Variants in IL1RAPL2 observed in about 807,000 individuals in gnomAD.
IL1RAPL2 encodes X-linked interleukin-1 receptor accessory protein-like 2.
In IL1RAPL2, 3 loss-of-function variants were observed where a neutral mutation model predicts 44.1. The observed-to-expected ratio is 0.07, with a 90% confidence interval of 0.03 to 0.18. The LOEUF is 0.18. Among genes scored for constraint, IL1RAPL2 ranks in the 10% least tolerant of loss-of-function variants. IL1RAPL2 has a pLI of 1.00. For synonymous variants in IL1RAPL2, 181 were observed against 178.8 expected, an observed-to-expected ratio of 1.01 and a Z score of -0.10; for missense variants, 391 against 496.4, an observed-to-expected ratio of 0.79 and a Z score of 2.02.
chrX:105,437,050 C>T (rs986652382), intron 5 of IL1RAPL2, among the ~76,000 whole-genome samples: 2 of 90,708 alleles, frequency 2.2e-5, no homozygotes, highest in Non-Finnish European at 4.3e-5. Context: ...TATATATATA[C>T]CATATTTATT....
At chrX:104,670,950 A>G (rs1014796800) in intron 2 of IL1RAPL2, among the ~76,000 whole-genome samples, 1 of 111,474 alleles carries the variant, frequency 9.0e-6, no homozygotes, top group Non-Finnish European at 1.9e-5. Context: ...ACCTCTACTT[A>G]TGAAATAAAA....
At chrX:105,370,998 T>C (rs2035335082) in intron 5 of IL1RAPL2, among the ~76,000 whole-genome samples, 1 of 112,543 alleles carries the variant, frequency 8.9e-6, no homozygotes, top group Non-Finnish European at 1.9e-5. Context: ...ACTAGTGATA[T>C]TGATCATCTT....
Position 105,119,590 on chromosome X carries a change from G to A in IL1RAPL2, c.83-75885G>A, listed in dbSNP as rs778746162. On this transcript the variant is annotated intron_variant, in intron 2 of 10. Coordinates refer to ENST00000372582, the MANE Select transcript of IL1RAPL2 (RefSeq NM_017416.2). ...TAAATGTTTTTGACCTAATGCTTTC[G>A]GTGCCCAATAACTTCTGACCTATTT... Among the ~76,000 whole-genome samples, 60 of 101,332 alleles carry A rather than the reference G, an allele frequency of 5.9e-4. 1 individual carries two copies. The highest frequency in any genetic ancestry group is 1.2e-3 in the Non-Finnish European group (59 of 50,229). The allele number at this position is 101,332 out of a possible 115,157, so 88.0% of individuals were successfully genotyped here. A position where few individuals can be genotyped will look rare whatever the true frequency, so the allele number is the denominator to read the frequency against.
At chrX:104,588,262 A>G (rs938825005) in intron 1 of IL1RAPL2, among the ~76,000 whole-genome samples, 3 of 109,917 alleles carry the variant, frequency 2.7e-5, no homozygotes, top group Non-Finnish European at 3.8e-5. Context: ...TATCATCTCT[A>G]CTTCTTGAGC....
chrX:105,586,788 C>A (rs374004271), intron 6 of IL1RAPL2, among the ~76,000 whole-genome samples: 10 of 112,614 alleles, frequency 8.9e-5, no homozygotes, highest in African/African-American at 2.9e-4. Flanking sequence ...TTGAGAGGAA[C>A]CGCCTACAAA....
In IL1RAPL2 at chrX:105,767,047, G is replaced by C; in HGVS notation, c.1447G>C (p.Gly483Arg). Residue 483 changes from glycine to arginine, a missense_variant, in exon 11 of 11, where the codon GGA (glycine) becomes CGA (arginine). Gly to Arg is a moderately radical substitution (Grantham distance 125, BLOSUM62 -2). This residue lies in a region of IL1RAPL2 where 232 missense variants were observed against 244.8 expected (regional missense o/e 0.95). Transcript: ENST00000372582. ...AACTCCAGACTATATTCTCAGACGG[G>C]GATGGAGTATTTTCGAACTGGAAAG... Reference protein sequence around the residue: ...VLTPDYILRRGWSIFELESRL... With the variant: ...VLTPDYILRRRWSIFELESRL... 2 of 1,206,459 alleles carry C rather than the reference G, an allele frequency of 1.7e-6. No individual in the cohort carries two copies. The highest frequency in any genetic ancestry group is 2.2e-6 in the Non-Finnish European group (2 of 890,851).
intron 2 of IL1RAPL2, among the ~76,000 whole-genome samples, chrX:104,907,759 C>T (rs1924066755): frequency 9.1e-6 from 1 of 110,238 alleles, no homozygotes; most frequent in Non-Finnish European, 1.9e-5. Context: ...TGGTGTGGTG[C>T]TGAAAAAAAT....
At chrX:105,176,994 T>C (rs974211873) in intron 2 of IL1RAPL2, among the ~76,000 whole-genome samples, 2 of 111,489 alleles carry the variant, frequency 1.8e-5, no homozygotes, top group African/African-American at 6.5e-5. Flanking sequence ...CAGTGAGTCA[T>C]GTAGCTATCT....
At chrX:104,990,862 A>G (rs1338229338) in intron 2 of IL1RAPL2, among the ~76,000 whole-genome samples, 2 of 111,569 alleles carry the variant, frequency 1.8e-5, no homozygotes, top group Non-Finnish European at 3.8e-5. Flanking sequence ...ACTTTTTTAT[A>G]GAAATTGTGA....
intron 5 of IL1RAPL2, among the ~76,000 whole-genome samples, chrX:105,447,362 T>A (rs1240130205): frequency 1.1e-4 from 7 of 62,391 alleles, no homozygotes; most frequent in Non-Finnish European, 1.9e-4. Context: ...TATAAATATA[T>A]AAATATAAAT....
chrX:104,931,006 C>G (rs1199503778), intron 2 of IL1RAPL2, among the ~76,000 whole-genome samples: 7 of 111,112 alleles, frequency 6.3e-5, no homozygotes, highest in Non-Finnish European at 1.3e-4. Context: ...AAAGTTGATC[C>G]ATGGGTTCCT....
intron 6 of IL1RAPL2, among the ~76,000 whole-genome samples, chrX:105,569,808 T>C (rs756565704): frequency 8.9e-6 from 1 of 111,779 alleles, no homozygotes; most frequent in African/African-American, 3.2e-5. Flanking sequence ...ATCATTTAAG[T>C]ATGTCTTCCT....
intron 5 of IL1RAPL2, among the ~76,000 whole-genome samples, chrX:105,351,817 C>A (rs754866922): frequency 1.4e-4 from 16 of 111,755 alleles, no homozygotes; most frequent in Non-Finnish European, 2.8e-4. Context: ...TTTGAAATAT[C>A]TTTTATTTTA....
chrX:104,913,611 G>A (rs1243380750), intron 2 of IL1RAPL2, among the ~76,000 whole-genome samples: 1 of 111,731 alleles, frequency 9.0e-6, no homozygotes, highest in Non-Finnish European at 1.9e-5. Flanking sequence ...AGCCCTTTCA[G>A]GCCTAATCCT....
chrX:104,885,190 A>T (rs1265427615), intron 2 of IL1RAPL2, among the ~76,000 whole-genome samples: 2 of 111,589 alleles, frequency 1.8e-5, no homozygotes, highest in African/African-American at 3.3e-5. Flanking sequence ...GAGTTTGGAG[A>T]TACCTGGTAT....
At chrX:104,842,034 G>C (rs748978563) in intron 2 of IL1RAPL2, among the ~76,000 whole-genome samples, 1 of 109,901 alleles carries the variant, frequency 9.1e-6, no homozygotes, top group South Asian at 4.0e-4. Flanking sequence ...TCTGTCAATC[G>C]CAGGTTTGGT....
intron 2 of IL1RAPL2, among the ~76,000 whole-genome samples, chrX:105,039,325 T>TAATAAAGGGAA (rs368154075): frequency 2.7e-5 from 3 of 111,963 alleles, no homozygotes; most frequent in African/African-American, 9.7e-5. Context: ...GAAGCTTTTC[T>TAATAAAGGGAA]AATAAAGGGA....
At chrX:104,830,756 T>C (rs1419109259) in intron 2 of IL1RAPL2, among the ~76,000 whole-genome samples, 1 of 112,176 alleles carries the variant, frequency 8.9e-6, no homozygotes, top group East Asian at 2.8e-4. Context: ...AAGAATATTT[T>C]ATGGGTCTAT....
intron 6 of IL1RAPL2, among the ~76,000 whole-genome samples, chrX:105,707,611 T>A: frequency 8.9e-6 from 1 of 111,891 alleles, no homozygotes; most frequent in Middle Eastern, 4.6e-3. Flanking sequence ...TCTAGCTGTC[T>A]GCTTTTATAT....
Sources: gnomAD v4.1 joint callset for allele counts (sites outside exome capture counted in the v4.1 genomes callset) on GRCh38, gnomAD v4.1.1 for gene constraint, gnomAD v4.1.1 regional missense constraint, MANE v1.5 for transcripts, NCBI Gene and HGNC (gene_info 2026-07-23, HGNC 2026-07-21) for gene names.